TMC1: variants seen among roughly 807,000 people sequenced by gnomAD.
TMC1 encodes transmembrane channel-like protein 1.
TMC1 carries 84 observed loss-of-function variants against 105.8 expected under a neutral mutation model. The observed-to-expected ratio is 0.79, with a 90% CI of 0.67 to 0.95. The LOEUF (loss-of-function observed/expected upper bound fraction) is 0.95. Ranked by LOEUF, TMC1 falls within the 40% of genes least tolerant of loss-of-function variation. The pLI, the probability that TMC1 is intolerant of heterozygous loss-of-function variation, is 0.00. For missense variants in TMC1, 817 were observed against 914.1 expected (o/e 0.89, Z 1.37); for synonymous variants, 315 against 311.5 (o/e 1.01, Z -0.12).
chr9:72,574,995 A>T (rs1257354991), intron 1 of TMC1, among the ~76,000 whole-genome samples: 2 of 152,108 alleles, frequency 1.3e-5, no homozygotes, highest in Non-Finnish European at 2.9e-5. Flanking sequence ...TGGTGACCAG[A>T]GCTGGTGGCC....
rs189717345 is a variant in TMC1 at position 72,776,044 on chromosome 9, C to T, written c.884+3489C>T. 8.3e-3 allele frequency among the ~76,000 whole-genome samples: 1,258 copies of T among 152,274 alleles called. 7 individuals carry two copies. Among genetic ancestry groups the T allele is most frequent in the Non-Finnish European group, 0.013 (860 of 68,026 alleles). On this transcript the variant is annotated intron_variant, in intron 13 of 23. Transcript: ENST00000297784. ...CTCCAACATTGAGATCAAATCTCTA[C>T]ATGACATTTGGGGAGACAAACAGCG...
chr9:72,766,342 A>G lies in TMC1; in HGVS notation c.742-6071A>G, dbSNP rs370814668. ...TGAGTCAGAAGAATGGCATGAACCC[A>G]GGAGGCGGAGCTTGCAGTGAGCCGA... is the stretch of plus-strand genomic sequence containing the variant. On this transcript the variant is annotated intron_variant, in intron 12 of 23. Coordinates refer to ENST00000297784, the MANE Select transcript of TMC1 (RefSeq NM_138691.3). Among the ~76,000 whole-genome samples, 11 of 151,522 alleles carry G rather than the reference A, an allele frequency of 7.3e-5. 1 individual carries two copies. The highest frequency in any genetic ancestry group is 2.4e-4 in the African/African-American group (10 of 41,268).
At chr9:72,568,205 C>G (rs1321284211) in intron 1 of TMC1, among the ~76,000 whole-genome samples, 4 of 152,040 alleles carry the variant, frequency 2.6e-5, no homozygotes, top group African/African-American at 9.7e-5. Context: ...TCTCAACCCC[C>G]CAAACTGAAC....
intron 5 of TMC1, among the ~76,000 whole-genome samples, chr9:72,672,125 C>G (rs1255985195): frequency 1.3e-5 from 2 of 152,164 alleles, no homozygotes; most frequent in Non-Finnish European, 2.9e-5. Flanking sequence ...ATTGGTGACA[C>G]CTGGTGCTCC....
At chr9:72,538,284 A>T (rs1298528615) in intron 1 of TMC1, among the ~76,000 whole-genome samples, 1 of 152,154 alleles carries the variant, frequency 6.6e-6, no homozygotes, top group Non-Finnish European at 1.5e-5. Flanking sequence ...GACTCTCTGG[A>T]AAAAACTTGG....
chr9:72,756,871 A>G (rs573846559), intron 12 of TMC1, among the ~76,000 whole-genome samples: 1 of 152,178 alleles, frequency 6.6e-6, no homozygotes, highest in African/African-American at 2.4e-5. Flanking sequence ...TTGCTGTAAG[A>G]GAGTTACTAA....
intron 8 of TMC1, among the ~76,000 whole-genome samples, chr9:72,723,782 C>T (rs904940953): frequency 3.3e-5 from 5 of 152,128 alleles, no homozygotes; most frequent in African/African-American, 1.2e-4. Flanking sequence ...CAAGAATTCC[C>T]TTTACTTGTC....
chr9:72,630,986 G>A (rs1825439627), intron 4 of TMC1, among the ~76,000 whole-genome samples: 1 of 151,302 alleles, frequency 6.6e-6, no homozygotes, highest in Non-Finnish European at 1.5e-5. Flanking sequence ...TTCTACCTCA[G>A]CCTCCAGAGT....
intron 1 of TMC1, among the ~76,000 whole-genome samples, chr9:72,537,682 G>A (rs993963960): frequency 6.6e-6 from 1 of 152,210 alleles, no homozygotes; most frequent in Non-Finnish European, 1.5e-5. Context: ...TAGGGAGACA[G>A]AAGTTACAGA....
intron 11 of TMC1, among the ~76,000 whole-genome samples, chr9:72,753,562 A>G (rs1827619957): frequency 6.6e-6 from 1 of 152,110 alleles, no homozygotes; most frequent in African/African-American, 2.4e-5. Context: ...AGAGCTAGGA[A>G]GCATTCTGTC....
intron 15 of TMC1, among the ~76,000 whole-genome samples, chr9:72,790,845 T>A (rs897264874): frequency 4.6e-5 from 7 of 152,194 alleles, no homozygotes; most frequent in Admixed American, 1.3e-4. Context: ...TGCTGAGATT[T>A]GGATCCTGTT....
At chr9:72,747,989 T>C (rs1341945877) in intron 10 of TMC1, among the ~76,000 whole-genome samples, 1 of 152,234 alleles carries the variant, frequency 6.6e-6, no homozygotes, top group African/African-American at 2.4e-5. Context: ...GCATCAAATT[T>C]GTGAATCTGA....
At chr9:72,565,533 A>T (rs1331376909) in intron 1 of TMC1, among the ~76,000 whole-genome samples, 4 of 152,176 alleles carry the variant, frequency 2.6e-5, no homozygotes, top group African/African-American at 9.7e-5. Flanking sequence ...TATAGGCTGT[A>T]TATATTTGAG....
rs773888858 is a variant in TMC1 at position 72,830,618 on chromosome 9, T to A, written c.2209-13T>A. 3.1e-6 allele frequency: 5 copies of A among 1,613,526 alleles called. No homozygotes were observed. In the South Asian group the frequency reaches 5.5e-5, roughly 18 times the overall value. Reference sequence around the variant, plus strand: ...AGAAATCTACTTTTTTCCCCTTATTTTTTATTGTGTAGCAAGCTTTGGAGA... The same window carrying A: ...AGAAATCTACTTTTTTCCCCTTATTATTTATTGTGTAGCAAGCTTTGGAGA... On this transcript the variant is annotated splice_polypyrimidine_tract_variant and intron_variant, in intron 22 of 23. Transcript: ENST00000297784.
chr9:72,708,434 T>C (rs1826780711), intron 8 of TMC1, among the ~76,000 whole-genome samples: 1 of 152,224 alleles, frequency 6.6e-6, no homozygotes, highest in Admixed American at 6.5e-5. Flanking sequence ...TCATCTGTGA[T>C]TTATTTCAGC....
intron 5 of TMC1, among the ~76,000 whole-genome samples, chr9:72,650,699 C>G (rs553659230): frequency 1.3e-5 from 2 of 151,308 alleles, no homozygotes; most frequent in East Asian, 1.9e-4. Context: ...TTGTTTCCTT[C>G]TTTGTTTTCA....
intron 4 of TMC1, among the ~76,000 whole-genome samples, chr9:72,647,253 T>C (rs1825730581): frequency 6.6e-6 from 1 of 152,002 alleles, no homozygotes; most frequent in Non-Finnish European, 1.5e-5. Context: ...GAAATTTTTT[T>C]ATTTTAATGT....
intron 2 of TMC1, among the ~76,000 whole-genome samples, chr9:72,607,002 T>TATATATATATAGAGAGAG (rs372785242): frequency 6.7e-5 from 9 of 134,906 alleles, no homozygotes; most frequent in Admixed American, 3.1e-4. Flanking sequence ...TATATATATA[T>TATATATATATAGAGAGAG]AGAGAGAGAG....
chr9:72,766,624 A>G (rs987910711), intron 12 of TMC1, among the ~76,000 whole-genome samples: 1 of 152,076 alleles, frequency 6.6e-6, no homozygotes, highest in Non-Finnish European at 1.5e-5. Context: ...GGACAAGAGT[A>G]CCAATGCAAG....
Sources: gnomAD v4.1 joint callset for allele counts (sites outside exome capture counted in the v4.1 genomes callset) on GRCh38, gnomAD v4.1.1 for gene constraint, MANE v1.5 for transcripts, NCBI Gene and HGNC (gene_info 2026-07-23, HGNC 2026-07-21) for gene names.